Variants in CCDC192 observed in about 807,000 individuals in gnomAD.
CCDC192 encodes coiled-coil domain containing 192.
intron 6 of CCDC192, among the ~76,000 whole-genome samples, chr5:127,904,446 A>G (rs1365142587): frequency 2.0e-5 from 3 of 151,794 alleles, no homozygotes; most frequent in African/African-American, 4.8e-5. Context: ...CATGGTTTGT[A>G]CAGACCACTT....
At chr5:127,742,920 T>C (rs1457657886) in intron 2 of CCDC192, among the ~76,000 whole-genome samples, 2 of 152,162 alleles carry the variant, frequency 1.3e-5, no homozygotes, top group African/African-American at 4.8e-5. Flanking sequence ...TGGGGTGGCA[T>C]TTGGGAACCA....
intron 3 of CCDC192, chr5:127,786,933 AT>A: frequency 2.4e-6 from 1 of 410,096 alleles, no homozygotes; most frequent in Non-Finnish European, 4.7e-6. Flanking sequence ...GGACCTGGTC[AT>A]GCTGTGCCAC....
At chr5:127,874,442 A>G (rs144957436) in intron 5 of CCDC192, among the ~76,000 whole-genome samples, 251 of 152,316 alleles carry the variant, frequency 1.6e-3, no homozygotes, top group African/African-American at 5.5e-3. Flanking sequence ...CAACAAAGCA[A>G]AAAGTGAAAT....
At chr5:127,736,269 G>A (rs1412656635) in intron 2 of CCDC192, among the ~76,000 whole-genome samples, 1 of 134,402 alleles carries the variant, frequency 7.4e-6, no homozygotes, top group Admixed American at 7.8e-5. Flanking sequence ...TTGCATCCCA[G>A]GGATGAAGCC....
chr5:127,713,582 T>C (rs1340456864), intron 2 of CCDC192, among the ~76,000 whole-genome samples: 2 of 152,172 alleles, frequency 1.3e-5, no homozygotes, highest in Non-Finnish European at 2.9e-5. Flanking sequence ...ATTTATCAAT[T>C]TGTATTTTCA....
intron 2 of CCDC192, among the ~76,000 whole-genome samples, chr5:127,710,226 T>C (rs1751243974): frequency 6.6e-6 from 1 of 152,190 alleles, no homozygotes; most frequent in Non-Finnish European, 1.5e-5. Flanking sequence ...TACTGCTGCC[T>C]TCTTCCACAA....
intron 3 of CCDC192, chr5:127,786,825 C>G (rs1388912843): frequency 5.6e-6 from 3 of 539,816 alleles, no homozygotes; most frequent in Non-Finnish European, 1.0e-5. Context: ...AGGTGTCTGC[C>G]CCTTTTTTGA....
chr5:127,926,830 A>G (rs367691384), intron 6 of CCDC192, among the ~76,000 whole-genome samples: 1 of 152,178 alleles, frequency 6.6e-6, no homozygotes, highest in South Asian at 2.1e-4. Context: ...GAGGGAAAAG[A>G]AAGTTTAAGA....
intron 3 of CCDC192, among the ~76,000 whole-genome samples, chr5:127,777,810 G>C (rs1489577227): frequency 6.6e-6 from 1 of 152,036 alleles, no homozygotes; most frequent in African/African-American, 2.4e-5. Context: ...CAGCTGCCAT[G>C]TAAGACATTC....
At chr5:127,891,642 A>T (rs997075657) in intron 6 of CCDC192, among the ~76,000 whole-genome samples, 1 of 152,170 alleles carries the variant, frequency 6.6e-6, no homozygotes, top group South Asian at 2.1e-4. Flanking sequence ...GCATAGGAAC[A>T]TGTTGGTATT....
intron 6 of CCDC192, among the ~76,000 whole-genome samples, chr5:127,877,073 T>C (rs1013292203): frequency 6.6e-6 from 1 of 152,204 alleles, no homozygotes; most frequent in Non-Finnish European, 1.5e-5. Flanking sequence ...GTAGAGCACA[T>C]TGGAGAAAGT....
chr5:127,740,598 A>AT (rs142596030), intron 2 of CCDC192, among the ~76,000 whole-genome samples: 5,031 of 152,186 alleles, frequency 0.033, 281 homozygotes, highest in African/African-American at 0.11. Context: ...ATTGTAATTA[A>AT]TTTTTTAAAT....
At chr5:127,767,986 G>A (rs191773414) in intron 3 of CCDC192, among the ~76,000 whole-genome samples, 27 of 152,266 alleles carry the variant, frequency 1.8e-4, no homozygotes, top group African/African-American at 6.5e-4. Flanking sequence ...GGGTGTGGTG[G>A]CTCACTCCTG....
At chr5:127,805,370 G>A (rs1356120) in intron 5 of CCDC192, among the ~76,000 whole-genome samples, 152,189 of 152,348 alleles carry the variant, frequency 1, 76,015 homozygotes, top group Middle Eastern at 1. Flanking sequence ...GCAGACTTGC[G>A]TGTAGATGTT....
chr5:127,916,403 G>A (rs2409034), intron 6 of CCDC192, among the ~76,000 whole-genome samples: 10,886 of 152,206 alleles, frequency 0.072, 902 homozygotes, highest in East Asian at 0.32. Flanking sequence ...CACAAATCAC[G>A]AATGTTCTTT....
chr5:127,754,296 C>T lies in CCDC192; in HGVS notation c.143C>T (p.Ala48Val), dbSNP rs76969222. The change falls in exon 3 of 7, where the codon GCG becomes GTG. Residue 48 changes from alanine (A) to valine (V), a missense_variant. Ala to Val is a moderately conservative substitution (Grantham distance 64). Transcript: ENST00000514853. ...SKASLDTGQM[A>V]FTLAQLESLE... Reference sequence around the variant, plus strand: ...GCGTCCCTGGATACTGGACAGATGGCGTTTACCTTGGCCCAACTTGAGTCC... The same window carrying T: ...GCGTCCCTGGATACTGGACAGATGGTGTTTACCTTGGCCCAACTTGAGTCC... 0.01 allele frequency: 4,106 copies of T among 398,298 alleles called. 33 individuals are homozygous for T. The highest frequency in any genetic ancestry group is 0.027 in the African/African-American group (1,324 of 48,506). The allele number at this position is 398,298 out of a possible 1,614,324, so 24.7% of individuals were successfully genotyped here.
chr5:127,740,249 C>G (rs930019366), intron 2 of CCDC192: 21 of 152,188 alleles, frequency 1.4e-4, no homozygotes, highest in African/African-American at 5.1e-4. Context: ...ATGCTCTCTT[C>G]TCCAATATTT....
At chr5:127,854,776 T>C (rs1750988361) in intron 5 of CCDC192, among the ~76,000 whole-genome samples, 2 of 152,214 alleles carry the variant, frequency 1.3e-5, no homozygotes, top group East Asian at 3.8e-4. Context: ...GTAATTTTTT[T>C]GGTTTCCCAG....
At chr5:127,870,397 TAAAACA>T (rs1048616035) in intron 5 of CCDC192, among the ~76,000 whole-genome samples, 1 of 152,214 alleles carries the variant, frequency 6.6e-6, no homozygotes, top group Admixed American at 6.5e-5. Context: ...TTAAGTAACT[TAAAACA>T]AAAACAAAAA....
Sources: gnomAD v4.1 joint callset for allele counts (sites outside exome capture counted in the v4.1 genomes callset) on GRCh38, gnomAD v4.1.1 for gene constraint, MANE v1.5 for transcripts, NCBI Gene and HGNC (gene_info 2026-07-23, HGNC 2026-07-21) for gene names.